GRIK3: variants seen among roughly 807,000 people sequenced by gnomAD.
GRIK3 encodes glutamate ionotropic receptor kainate type subunit 3, also known as glutamate receptor ionotropic, kainate 3.
A neutral mutation model predicts 102.5 loss-of-function variants in GRIK3; 29 were observed. That is an observed-to-expected ratio of 0.28 (90% CI 0.21 to 0.39). The LOEUF (loss-of-function observed/expected upper bound fraction) is 0.39, where lower values mean the gene tolerates loss of function less well. GRIK3 is among the 10% of genes least tolerant of loss of function. The probability of loss-of-function intolerance (pLI) is 1.00; values close to 1 mark genes in which losing one functional copy is unlikely to be tolerated. For synonymous variants in GRIK3, 511 were observed against 504.9 expected, an observed-to-expected ratio of 1.01 and a Z score of -0.16; for missense variants, 908 against 1,252.4, an observed-to-expected ratio of 0.73 and a Z score of 4.15.
Position 36,859,871 on chromosome 1 carries a change from C to G in GRIK3, c.933G>C (p.Glu311Asp). Reference protein sequence around the residue: ...MERLQAAPRSESGLLDGVMMT... With the variant: ...MERLQAAPRSDSGLLDGVMMT... ...TCATCACTCCATCCAGCAGGCCAGA[C>G]TCGGACCGGGGAGCTGCCTGCAGCC... The change falls in exon 6 of 16, where the codon GAG becomes GAC. Residue 311 changes from glutamate to aspartate, a missense_variant. Glu to Asp is a conservative substitution (Grantham distance 45). Transcript: ENST00000373091. 2 of 1,614,052 alleles carry G rather than the reference C, an allele frequency of 1.2e-6. No homozygotes were observed. Among genetic ancestry groups the G allele is most frequent in the Non-Finnish European group, 1.7e-6 (2 of 1,179,954 alleles).
intron 14 of GRIK3, among the ~76,000 whole-genome samples, chr1:36,805,846 G>A (rs1642492407): frequency 7.3e-6 from 1 of 137,534 alleles, no homozygotes; most frequent in South Asian, 2.4e-4. Context: ...TGAGGCAGGA[G>A]AATCTCTTGA....
intron 1 of GRIK3, among the ~76,000 whole-genome samples, chr1:37,007,223 T>C (rs1481624812): frequency 1.3e-5 from 2 of 152,180 alleles, no homozygotes; most frequent in Non-Finnish European, 2.9e-5. Flanking sequence ...CCCAATGAGG[T>C]GGGTGCTGTT....
chr1:36,936,052 A>T (rs906197509), intron 1 of GRIK3, among the ~76,000 whole-genome samples: 2 of 152,208 alleles, frequency 1.3e-5, no homozygotes, highest in Non-Finnish European at 2.9e-5. Flanking sequence ...AGAAACAGGG[A>T]ATGGGGCTAT....
intron 13 of GRIK3, among the ~76,000 whole-genome samples, chr1:36,814,351 G>A (rs559953420): frequency 6.6e-6 from 1 of 152,186 alleles, no homozygotes; most frequent in African/African-American, 2.4e-5. Flanking sequence ...TGGCACAAAG[G>A]GCTGGGCCAC....
intron 1 of GRIK3, among the ~76,000 whole-genome samples, chr1:36,921,418 T>C (rs1454558311): frequency 6.6e-6 from 1 of 152,210 alleles, no homozygotes; most frequent in Admixed American, 6.5e-5. Flanking sequence ...CAAATACTAC[T>C]GAAGGATGAT....
At chr1:36,937,560 A>T (rs768097288) in intron 1 of GRIK3, among the ~76,000 whole-genome samples, 3 of 152,210 alleles carry the variant, frequency 2.0e-5, no homozygotes, top group African/African-American at 7.2e-5. Flanking sequence ...AACCCCAGAG[A>T]TAAAGTCCCG....
At chr1:36,901,672 T>C (rs1279248327) in intron 1 of GRIK3, among the ~76,000 whole-genome samples, 1 of 152,184 alleles carries the variant, frequency 6.6e-6, no homozygotes, top group African/African-American at 2.4e-5. Flanking sequence ...AAGGGAAGGA[T>C]GTCCCCTCTC....
At chr1:36,816,950 T>C (rs1642638016) in intron 13 of GRIK3, 110 bp downstream of exon 13, 1 of 730,264 alleles carries the variant, frequency 1.4e-6, no homozygotes, top group South Asian at 1.8e-5. Context: ...TTCTGACCCA[T>C]TGGCCATGCG....
intron 5 of GRIK3, among the ~76,000 whole-genome samples, chr1:36,862,691 T>C (rs1640740724): frequency 6.6e-6 from 1 of 152,212 alleles, no homozygotes; most frequent in Non-Finnish European, 1.5e-5. Flanking sequence ...TGGCCAGACA[T>C]GGGCCAGACC....
At chr1:36,847,735 C>A (rs922492640) in intron 9 of GRIK3, among the ~76,000 whole-genome samples, 1 of 152,206 alleles carries the variant, frequency 6.6e-6, no homozygotes, top group African/African-American at 2.4e-5. Flanking sequence ...GGCGGATAAG[C>A]AATTTCTTAG....
chr1:36,840,544 T>C (rs1570753867), intron 10 of GRIK3, among the ~76,000 whole-genome samples: 1 of 98,324 alleles, frequency 1.0e-5, no homozygotes, highest in South Asian at 3.8e-4. Flanking sequence ...GAGACCCTGC[T>C]CTCCACCAAA....
intron 1 of GRIK3, among the ~76,000 whole-genome samples, chr1:36,895,784 C>A (rs561488892): frequency 1.3e-4 from 19 of 151,864 alleles, no homozygotes; most frequent in Admixed American, 2.6e-4. Flanking sequence ...GCACACCAAG[C>A]ACAAAGCAGG....
chr1:36,906,791 A>T (rs144259828), intron 1 of GRIK3, among the ~76,000 whole-genome samples: 1 of 152,344 alleles, frequency 6.6e-6, no homozygotes, highest in East Asian at 1.9e-4. Flanking sequence ...TCATGGGTAC[A>T]AATATATAGC....
chr1:36,899,824 A>C (rs1221017431), intron 1 of GRIK3, among the ~76,000 whole-genome samples: 1 of 152,236 alleles, frequency 6.6e-6, no homozygotes, highest in Non-Finnish European at 1.5e-5. Context: ...AGACAAAGAG[A>C]AGCATTACAT....
chr1:36,957,964 C>T (rs1199831877), intron 1 of GRIK3, among the ~76,000 whole-genome samples: 3 of 36,890 alleles, frequency 8.1e-5, no homozygotes, highest in South Asian at 1.1e-3. Flanking sequence ...CTCTGTGCCC[C>T]GTGAGTCTGT....
At chr1:36,898,804 C>A (rs1204987061) in intron 1 of GRIK3, among the ~76,000 whole-genome samples, 1 of 152,074 alleles carries the variant, frequency 6.6e-6, no homozygotes, top group Admixed American at 6.6e-5. Flanking sequence ...AAACTTACTA[C>A]AAAGCTAGAG....
intron 13 of GRIK3, among the ~76,000 whole-genome samples, chr1:36,814,434 T>G (rs781242147): frequency 6.6e-6 from 1 of 150,776 alleles, no homozygotes; most frequent in African/African-American, 2.4e-5. Context: ...CACATATGCA[T>G]GTACAGTTCA....
chr1:36,811,448 T>G (rs1642561561), intron 13 of GRIK3, among the ~76,000 whole-genome samples: 2 of 152,194 alleles, frequency 1.3e-5, no homozygotes. Context: ...ATAAGCGATG[T>G]GTGGCCCCTC....
intron 7 of GRIK3, among the ~76,000 whole-genome samples, chr1:36,857,102 AAGCTTCAGT>A (rs1289376163): frequency 6.6e-6 from 1 of 152,212 alleles, no homozygotes; most frequent in East Asian, 1.9e-4. Context: ...GAGGCACAGA[AAGCTTCAGT>A]AGCTTGTCCA....
Sources: gnomAD v4.1 joint callset for allele counts (sites outside exome capture counted in the v4.1 genomes callset) on GRCh38, gnomAD v4.1.1 for gene constraint, MANE v1.5 for transcripts, NCBI Gene and HGNC (gene_info 2026-07-23, HGNC 2026-07-21) for gene names.